RGPD2: variants seen among roughly 807,000 people sequenced by gnomAD.
RGPD2 encodes RANBP2 like and GRIP domain containing 2.
A neutral mutation model predicts 36.0 loss-of-function variants in RGPD2; 2 were observed. The ratio of observed to expected loss-of-function variants is 0.06; its 90% CI spans 0.02 to 0.17. RGPD2 has a LOEUF of 0.17. Among genes scored for constraint, RGPD2 ranks in the 10% least tolerant of loss-of-function variants. RGPD2 has a pLI of 1.00. For missense variants in RGPD2, 40 were observed against 464.3 expected, an observed-to-expected ratio of 0.09 and a Z score of 8.40; for synonymous variants, 19 against 163.8, an observed-to-expected ratio of 0.12 and a Z score of 6.75.
chr2:87,919,126 A>G, the RGPD2 span, among the ~76,000 whole-genome samples: 1 of 151,730 alleles, frequency 6.6e-6, no homozygotes, highest in Non-Finnish European at 1.5e-5. Flanking sequence ...TCAAAAATAC[A>G]TAGTTATTAG....
chr2:87,772,661 T>C (rs1375775036), intron 21 of RGPD2, among the ~76,000 whole-genome samples: 1 of 53,396 alleles, frequency 1.9e-5, no homozygotes, highest in Non-Finnish European at 3.6e-5. Context: ...TGTTGGGCTA[T>C]ATGACTCCAT....
chr2:87,940,786 T>TATA, the RGPD2 span, among the ~76,000 whole-genome samples: 3 of 150,372 alleles, frequency 2.0e-5, no homozygotes, highest in Non-Finnish European at 3.0e-5. Flanking sequence ...ATAATCAGTA[T>TATA]TACGAATATA....
chr2:87,978,844 T>G, the RGPD2 span, among the ~76,000 whole-genome samples: 1,004 of 143,846 alleles, frequency 7.0e-3, 6 homozygotes, highest in African/African-American at 0.02. Flanking sequence ...CTTGAGCCTA[T>G]GAGTTCGAGA....
At chr2:87,824,427 T>A (rs556501771) in intron 1 of RGPD2, among the ~76,000 whole-genome samples, 1 of 152,088 alleles carries the variant, frequency 6.6e-6, no homozygotes, top group African/African-American at 2.4e-5. Context: ...CTAGAAAGCA[T>A]GGGCAGTTCA....
At chr2:87,882,985 G>T in the RGPD2 span, among the ~76,000 whole-genome samples, 1 of 151,820 alleles carries the variant, frequency 6.6e-6, no homozygotes, top group African/African-American at 2.4e-5. Context: ...GTTCTTAGTG[G>T]AGTCTTTAGG....
chr2:87,762,719 AAACAAC>A (rs774710896), intron 22 of RGPD2, among the ~76,000 whole-genome samples: 5 of 40,194 alleles, frequency 1.2e-4, no homozygotes, highest in Admixed American at 2.9e-4. Flanking sequence ...ATCCATCTCA[AAACAAC>A]AACAACAACA....
the RGPD2 span, among the ~76,000 whole-genome samples, chr2:87,844,591 A>C: frequency 3.3e-5 from 5 of 151,334 alleles, no homozygotes; most frequent in Non-Finnish European, 7.4e-5. Context: ...TATGTTTCGA[A>C]ATTAATAAAG....
the RGPD2 span, among the ~76,000 whole-genome samples, chr2:87,948,467 C>T: frequency 2.6e-5 from 4 of 151,474 alleles, no homozygotes; most frequent in African/African-American, 7.3e-5. Context: ...CCGCAAACTC[C>T]GCCTCCTGGG....
At chr2:87,915,340 A>AATGTATATTATATATATTATATATAT in the RGPD2 span, among the ~76,000 whole-genome samples, 1,084 of 109,486 alleles carry the variant, frequency 9.9e-3, 26 homozygotes, top group Non-Finnish European at 0.015. Context: ...TTGTATATAT[A>AATGTATATTATATATATTATATATAT]ATGTATATTA....
At chr2:87,976,433 GCT>G in the RGPD2 span, among the ~76,000 whole-genome samples, 1 of 152,062 alleles carries the variant, frequency 6.6e-6, no homozygotes, top group African/African-American at 2.4e-5. Context: ...AAAATGAAGG[GCT>G]CTCTCTCAAA....
At chr2:87,763,277 C>T (rs1215348413) in intron 22 of RGPD2, among the ~76,000 whole-genome samples, 3 of 148,614 alleles carry the variant, frequency 2.0e-5, no homozygotes, top group East Asian at 4.0e-4. Flanking sequence ...CCTGCCTCAG[C>T]CTCCCTAGTA....
the RGPD2 span, among the ~76,000 whole-genome samples, chr2:87,940,231 G>T: frequency 4.7e-4 from 71 of 152,106 alleles, no homozygotes; most frequent in Non-Finnish European, 9.0e-4. Flanking sequence ...TGGGCTGAAG[G>T]TGCAGCTGCG....
At chr2:87,915,610 A>G in the RGPD2 span, among the ~76,000 whole-genome samples, 2 of 139,110 alleles carry the variant, frequency 1.4e-5, no homozygotes, top group African/African-American at 2.6e-5. Flanking sequence ...GTGTGTGTAT[A>G]TATATACACA....
At chr2:87,962,027 CAAAAAAA>C in the RGPD2 span, among the ~76,000 whole-genome samples, 3 of 108,428 alleles carry the variant, frequency 2.8e-5, no homozygotes, top group East Asian at 2.7e-4. Flanking sequence ...ACACTTGTCT[CAAAAAAA>C]AAAAAAAAAA....
chr2:87,857,129 C>T, the RGPD2 span, among the ~76,000 whole-genome samples: 1 of 152,214 alleles, frequency 6.6e-6, no homozygotes, highest in Non-Finnish European at 1.5e-5. Context: ...GATACTGAGC[C>T]TATGCTTTTA....
the RGPD2 span, among the ~76,000 whole-genome samples, chr2:87,964,241 A>T: frequency 2.6e-5 from 4 of 152,196 alleles, no homozygotes; most frequent in African/African-American, 7.2e-5. Flanking sequence ...TTCATTTCAC[A>T]CTACTTTTTT....
At chr2:87,829,849 T>TTCTC (rs1686930191), upstream of RGPD2, among the ~76,000 whole-genome samples, 1 of 133,804 alleles carries the variant, frequency 7.5e-6, no homozygotes, top group African/African-American at 2.8e-5. Flanking sequence ...AAATCTCATT[T>TTCTC]TCTCACATTT....
chr2:87,966,644 C>A, the RGPD2 span, among the ~76,000 whole-genome samples: 8 of 152,350 alleles, frequency 5.3e-5, no homozygotes, highest in African/African-American at 1.9e-4. Flanking sequence ...ATGCCTAGAA[C>A]TGGCCAAGCA....
At chr2:87,985,804 A>G in the RGPD2 span, 4 of 1,611,278 alleles carry the variant, frequency 2.5e-6, no homozygotes, top group Non-Finnish European at 3.4e-6. Context: ...TTCCACTCTG[A>G]GTGATAACTG....
Sources: gnomAD v4.1 joint callset for allele counts (sites outside exome capture counted in the v4.1 genomes callset) on GRCh38, gnomAD v4.1.1 for gene constraint, MANE v1.5 for transcripts, NCBI Gene and HGNC (gene_info 2026-07-23, HGNC 2026-07-21) for gene names.